Variants in PCSK6 observed in about 807,000 individuals in gnomAD.
PCSK6 encodes the protein paired basic amino acid cleaving enzyme 4.
A neutral mutation model predicts 123.3 loss-of-function variants in PCSK6; 85 were observed. The observed-to-expected ratio is 0.69, with a 90% CI of 0.58 to 0.83. PCSK6 has a LOEUF of 0.83. Ranked by LOEUF, PCSK6 falls within the 40% of genes least tolerant of loss-of-function variation. The pLI, the probability that PCSK6 is intolerant of heterozygous loss-of-function variation, is 0.00. For missense variants in PCSK6, 1,191 were observed against 1,282.3 expected, an observed-to-expected ratio of 0.93 and a Z score of 1.09; for synonymous variants, 508 against 516.0, an observed-to-expected ratio of 0.98 and a Z score of 0.21.
chr15:101,416,266 A>G (rs1302069513), intron 6 of PCSK6, among the ~76,000 whole-genome samples: 3 of 152,240 alleles, frequency 2.0e-5, no homozygotes, highest in Non-Finnish European at 4.4e-5. Context: ...TAGCAAAGAG[A>G]CTGGCAGAAT....
chr15:101,307,683 T>G, intron 20 of PCSK6: 1 of 236,836 alleles, frequency 4.2e-6, no homozygotes. Context: ...TGTGTCAGTC[T>G]TCTCTCTCCA....
intron 2 of PCSK6, among the ~76,000 whole-genome samples, chr15:101,440,928 G>A (rs150077528): frequency 2.1e-3 from 324 of 152,304 alleles, no homozygotes; most frequent in African/African-American, 7.5e-3. Flanking sequence ...TTTCAGTTGC[G>A]ATTCTGAATT....
chr15:101,466,029 C>G (rs1228782215), intron 1 of PCSK6, among the ~76,000 whole-genome samples: 1 of 151,908 alleles, frequency 6.6e-6, no homozygotes, highest in African/African-American at 2.4e-5. Context: ...CTCAACACAC[C>G]AATCAAAAGA....
intron 1 of PCSK6, among the ~76,000 whole-genome samples, chr15:101,486,379 T>C (rs1206919560): frequency 1.3e-5 from 2 of 152,258 alleles, no homozygotes; most frequent in Non-Finnish European, 2.9e-5. Flanking sequence ...ATGGTTTCTT[T>C]CGTCTTCTCA....
At chr15:101,471,170 G>T (rs540009701) in intron 1 of PCSK6, among the ~76,000 whole-genome samples, 1 of 152,116 alleles carries the variant, frequency 6.6e-6, no homozygotes, top group Non-Finnish European at 1.5e-5. Context: ...CCTTTCAGAT[G>T]CCAGTGTAGC....
chr15:101,487,480 G>C (rs531673552), intron 1 of PCSK6, among the ~76,000 whole-genome samples: 7 of 152,356 alleles, frequency 4.6e-5, no homozygotes, highest in Non-Finnish European at 8.8e-5. Context: ...TTGTCTCAAA[G>C]GGGCGGCATG....
chr15:101,407,193 C>T lies in PCSK6; in HGVS notation c.824-8617G>A, dbSNP rs541964537. ...GTCAGAGAGTCCTGGAGCGGAATGT[C>T]GGCTCTGCATGACCTTGGGCCATAG... On this transcript the variant is annotated intron_variant, in intron 6 of 21. Coordinates refer to ENST00000611716, the MANE Select transcript of PCSK6 (RefSeq NM_002570.5). 6.6e-5 allele frequency among the ~76,000 whole-genome samples: 10 copies of T among 152,276 alleles called. No homozygotes were observed. In the South Asian group the frequency reaches 1.7e-3, roughly 25 times the overall value.
At chr15:101,354,145 C>T (rs1228274403) in intron 13 of PCSK6, among the ~76,000 whole-genome samples, 1 of 152,062 alleles carries the variant, frequency 6.6e-6, no homozygotes, top group Non-Finnish European at 1.5e-5. Context: ...GAAAAGGAAG[C>T]ATAAGCCAAT....
intron 6 of PCSK6, among the ~76,000 whole-genome samples, chr15:101,426,941 A>G (rs1014658404): frequency 6.6e-6 from 1 of 152,200 alleles, no homozygotes. Flanking sequence ...CTTCGGACTG[A>G]GAAGCAGACA....
At chr15:101,417,616 C>A (rs2055932070) in intron 6 of PCSK6, among the ~76,000 whole-genome samples, 1 of 152,096 alleles carries the variant, frequency 6.6e-6, no homozygotes, top group East Asian at 1.9e-4. Context: ...TATAATTAAA[C>A]TAGTAAGAGG....
intron 2 of PCSK6, among the ~76,000 whole-genome samples, chr15:101,436,940 A>C (rs1477533213): frequency 6.6e-6 from 1 of 152,204 alleles, no homozygotes; most frequent in Non-Finnish European, 1.5e-5. Context: ...CTGACAGGCG[A>C]CGATTCATGC....
chr15:101,479,584 C>G (rs1341608065), intron 1 of PCSK6, among the ~76,000 whole-genome samples: 1 of 152,218 alleles, frequency 6.6e-6, no homozygotes, highest in Non-Finnish European at 1.5e-5. Context: ...GTGGTCGGTG[C>G]ATGCAGAGGC....
intron 13 of PCSK6, among the ~76,000 whole-genome samples, chr15:101,356,331 T>C (rs992006909): frequency 6.6e-5 from 10 of 151,960 alleles, no homozygotes; most frequent in African/African-American, 2.4e-4. Context: ...GGCAAGGTCC[T>C]AGTGTTCCCA....
At chr15:101,457,967 C>G (rs557893314) in intron 1 of PCSK6, among the ~76,000 whole-genome samples, 3 of 152,296 alleles carry the variant, frequency 2.0e-5, no homozygotes, top group South Asian at 2.1e-4. Flanking sequence ...TTGCTTACCC[C>G]CTACCAGCGC....
In PCSK6 at chr15:101,304,425, T is replaced by G. The variant is rs2039679000; in HGVS notation, c.*833A>C. ...TAACAATGCATGGCTGGCTTTACAT[T>G]TTGTTCAGAGGAATTGCTTGGCCAT... On this transcript the variant is annotated 3_prime_UTR_variant, in exon 22 of 22. Transcript: ENST00000611716. 3 of 152,200 alleles carry G rather than the reference T, an allele frequency of 2.0e-5. No individual in the cohort carries two copies. The highest frequency in any genetic ancestry group is 6.5e-5 in the Admixed American group (1 of 15,270). 9.4% of individuals were successfully genotyped at this position (152,200 alleles called of 1,614,324 possible).
chr15:101,384,930 A>G (rs532147108), intron 9 of PCSK6, among the ~76,000 whole-genome samples: 7 of 152,238 alleles, frequency 4.6e-5, no homozygotes, highest in Non-Finnish European at 8.8e-5. Context: ...GGGGAAGTAG[A>G]AACATTTCAT....
intron 1 of PCSK6, among the ~76,000 whole-genome samples, chr15:101,488,506 G>T (rs1056342407): frequency 6.6e-6 from 1 of 152,184 alleles, no homozygotes; most frequent in Non-Finnish European, 1.5e-5. Context: ...GGGGCTGGGA[G>T]GGCCCCGTGG....
At chr15:101,485,732 G>T (rs923477079) in intron 1 of PCSK6, among the ~76,000 whole-genome samples, 1 of 152,058 alleles carries the variant, frequency 6.6e-6, no homozygotes, top group Non-Finnish European at 1.5e-5. Context: ...CTGGACTGTC[G>T]TTACCACAAC....
chr15:101,459,855 T>C (rs930291199), intron 1 of PCSK6, among the ~76,000 whole-genome samples: 4 of 151,952 alleles, frequency 2.6e-5, no homozygotes, highest in Admixed American at 2.0e-4. Flanking sequence ...CTTAGAACCC[T>C]AGACAGCCCA....
Sources: gnomAD v4.1 joint callset for allele counts (sites outside exome capture counted in the v4.1 genomes callset) on GRCh38, gnomAD v4.1.1 for gene constraint, MANE v1.5 for transcripts, NCBI Gene and HGNC (gene_info 2026-07-23, HGNC 2026-07-21) for gene names.